The following RARS1 variants were observed in gnomAD, a reference collection of about 807,000 sequenced individuals.
RARS1 encodes the protein arginine--tRNA ligase, cytoplasmic.
A neutral mutation model predicts 78.7 loss-of-function variants in RARS1; 75 were observed. The ratio of observed to expected loss-of-function variants is 0.95; its 90% confidence interval spans 0.79 to 1.15. The LOEUF (loss-of-function observed/expected upper bound fraction) is 1.15. Ranked by LOEUF, RARS1 falls within the 50% of genes most tolerant of loss-of-function variation. The pLI, the probability that RARS1 is intolerant of heterozygous loss-of-function variation, is 0.00. For missense variants in RARS1, 787 were observed against 787.5 expected, an observed-to-expected ratio of 1.00 and a Z score of 0.01; for synonymous variants, 273 against 268.2, an observed-to-expected ratio of 1.02 and a Z score of -0.18.
chr5:168,511,981 C>G (rs1250539181), intron 12 of RARS1, among the ~76,000 whole-genome samples: 3 of 152,048 alleles, frequency 2.0e-5, no homozygotes, highest in African/African-American at 7.2e-5. Flanking sequence ...CATTCTACCT[C>G]AGCCTCCCGG....
chr5:168,505,477 C>T (rs1758420131), intron 9 of RARS1, among the ~76,000 whole-genome samples: 1 of 152,154 alleles, frequency 6.6e-6, no homozygotes. Context: ...TTAGAGATCA[C>T]TATAAGAATT....
chr5:168,518,074 T>A lies in RARS1; in HGVS notation c.1873+12T>A. 1 of 768,928 alleles carries A rather than the reference T, an allele frequency of 1.3e-6. No individual in the cohort carries two copies. Among genetic ancestry groups the A allele is most frequent in the Non-Finnish European group, 1.7e-6 (1 of 573,350 alleles). 47.6% of individuals were successfully genotyped at this position (768,928 alleles called of 1,614,324 possible). A position where few individuals can be genotyped will look rare whatever the true frequency, so the allele number is the denominator to read the frequency against. On this transcript the variant is annotated intron_variant, in intron 14 of 14. Transcript: ENST00000231572. ...AGATAGACAGACTGGTGAGTGTCTTTTTTTTTTTTTTTTTTTTTTTTAGTG... is the reference window on the plus strand; with the variant it reads ...AGATAGACAGACTGGTGAGTGTCTTATTTTTTTTTTTTTTTTTTTTTAGTG...
rs1044126146 is a variant in RARS1, at chr5:168,506,017, C to T, written c.1058-4C>T. On this transcript the variant is annotated splice_polypyrimidine_tract_variant and splice_region_variant and intron_variant, in intron 9 of 14. Coordinates refer to ENST00000231572, the MANE Select transcript of RARS1 (RefSeq NM_002887.4). ...TTATTAATGAAGTGTTTTTTACCCC[C>T]TAGGATTTGTGCAGGTGGATGATGG... 28 of 1,592,678 alleles carry T rather than the reference C, an allele frequency of 1.8e-5. No individual in the cohort carries two copies. The highest frequency in any genetic ancestry group is 2.2e-5 in the Non-Finnish European group (26 of 1,172,578).
At chr5:168,495,181 T>G in intron 5 of RARS1, 134 bp from the exon 6 acceptor site, 2 of 1,395,450 alleles carry the variant, frequency 1.4e-6, no homozygotes, top group Non-Finnish European at 1.9e-6. Flanking sequence ...AATTAATGTT[T>G]AAGTCTGAGT....
At chr5:168,508,448 C>T (rs545408484) in intron 11 of RARS1, among the ~76,000 whole-genome samples, 12 of 151,344 alleles carry the variant, frequency 7.9e-5, no homozygotes, top group Non-Finnish European at 1.8e-4. Context: ...GGTGAAACCC[C>T]GTCTCTACTA....
chr5:168,506,636 C>A, intron 10 of RARS1, 86 bp from the exon 11 acceptor site: 1 of 981,652 alleles, frequency 1.0e-6, no homozygotes, highest in Non-Finnish European at 1.5e-6. Context: ...TTGAATTTTA[C>A]AGATCTATTC....
chr5:168,507,537 G>C (rs937943767), intron 11 of RARS1, among the ~76,000 whole-genome samples: 1 of 152,078 alleles, frequency 6.6e-6, no homozygotes, highest in Non-Finnish European at 1.5e-5. Context: ...TCCTACAAAC[G>C]TGGTCATGCT....
At chr5:168,498,455 T>G (rs1166632156) in intron 7 of RARS1, among the ~76,000 whole-genome samples, 1 of 152,200 alleles carries the variant, frequency 6.6e-6, no homozygotes, top group East Asian at 1.9e-4. Context: ...AATCCTTGAC[T>G]TAATCTGTAT....
intron 2 of RARS1, among the ~76,000 whole-genome samples, chr5:168,490,313 A>C (rs899942191): frequency 6.6e-6 from 1 of 152,184 alleles, no homozygotes; most frequent in Non-Finnish European, 1.5e-5. Flanking sequence ...TTTTAATTCA[A>C]AAGTATTATT....
chr5:168,494,422 G>A, intron 4 of RARS1, 128 bp from the exon 5 acceptor site: 1 of 1,487,074 alleles, frequency 6.7e-7, no homozygotes, highest in Non-Finnish European at 8.9e-7. Flanking sequence ...TTAAGTCAAG[G>A]CCACAACTGG....
chr5:168,515,192 A>G (rs1398018138), intron 12 of RARS1, among the ~76,000 whole-genome samples: 1 of 152,186 alleles, frequency 6.6e-6, no homozygotes. Flanking sequence ...AAGTAGCTTC[A>G]TCTTAAACAA....
In RARS1 at chr5:168,519,065, T is replaced by G; in HGVS notation, c.1874-16T>G. ...AGGAAAACAAGTTAATTAACAACTT[T>G]TTTCTATCTTTTCAGGAAAAATATT... is the stretch of plus-strand genomic sequence containing the variant. On this transcript the variant is annotated splice_polypyrimidine_tract_variant and intron_variant, in intron 14 of 14. Coordinates refer to ENST00000231572, the MANE Select transcript of RARS1 (RefSeq NM_002887.4). 6.3e-7 allele frequency: 1 copy of G among 1,590,886 alleles called. No homozygotes were observed. The highest frequency in any genetic ancestry group is 1.3e-5 in the African/African-American group (1 of 74,250).
chr5:168,512,773 C>T (rs539715763), intron 12 of RARS1, among the ~76,000 whole-genome samples: 11 of 152,288 alleles, frequency 7.2e-5, no homozygotes, highest in African/African-American at 2.4e-4. Context: ...AGATGCTGCC[C>T]ACCCAATTAA....
intron 9 of RARS1, among the ~76,000 whole-genome samples, chr5:168,503,616 G>T (rs893745619): frequency 2.6e-5 from 4 of 150,946 alleles, no homozygotes; most frequent in Non-Finnish European, 5.9e-5. Context: ...AACCCCTTTG[G>T]TAGTTAGTTA....
At chr5:168,499,120 C>G (rs1348418332) in intron 7 of RARS1, among the ~76,000 whole-genome samples, 1 of 152,008 alleles carries the variant, frequency 6.6e-6, no homozygotes, top group African/African-American at 2.4e-5. Flanking sequence ...GAGTTCAAGA[C>G]CAGCCTGGAC....
intron 9 of RARS1, among the ~76,000 whole-genome samples, chr5:168,502,396 T>TTTTTA (rs1758348883): frequency 7.0e-6 from 1 of 143,716 alleles, no homozygotes; most frequent in African/African-American, 2.6e-5. Context: ...TTTTTTTTTT[T>TTTTTA]AAAACAATCT....
chr5:168,489,165 G>A (rs565054925), intron 2 of RARS1, among the ~76,000 whole-genome samples: 7 of 152,128 alleles, frequency 4.6e-5, no homozygotes, highest in African/African-American at 1.4e-4. Flanking sequence ...GACTACAGGC[G>A]TGTGCCACCA....
chr5:168,491,351 A>G (rs1487613953), intron 2 of RARS1, among the ~76,000 whole-genome samples: 1 of 152,152 alleles, frequency 6.6e-6, no homozygotes, highest in African/African-American at 2.4e-5. Flanking sequence ...GCACAGTGAG[A>G]TCTTGTCTGT....
rs1223966359 is a variant in RARS1 at position 168,504,521 on chromosome 5, CAAAAAAAAAAAAA to C, written c.1058-1499_1058-1487del. On this transcript the variant is annotated intron_variant, in intron 9 of 14. Transcript: ENST00000231572. ...CTGGCGACAAAGCAAGATTCTGTCTCAAAAAAAAAAAAAGAAAAAAAAATGCCAGGCCCGGTGG... is the reference window on the plus strand; with the variant it reads ...CTGGCGACAAAGCAAGATTCTGTCTCGAAAAAAAAATGCCAGGCCCGGTGG... Among the ~76,000 whole-genome samples, 16 of 101,198 alleles carry C rather than the reference CAAAAAAAAAAAAA, an allele frequency of 1.6e-4. 1 individual carries two copies. In the South Asian group the frequency reaches 3.0e-3, roughly 19 times the overall value. The allele number at this position is 101,198 out of a possible 152,430, so 66.4% of individuals were successfully genotyped here.
Sources: gnomAD v4.1 joint callset for allele counts (sites outside exome capture counted in the v4.1 genomes callset) on GRCh38, gnomAD v4.1.1 for gene constraint, MANE v1.5 for transcripts, NCBI Gene and HGNC (gene_info 2026-07-23, HGNC 2026-07-21) for gene names.